IQSEC1: variants seen among roughly 807,000 people sequenced by gnomAD.
IQSEC1 encodes the protein IQ motif and SEC7 domain-containing protein 1.
In IQSEC1, 31 loss-of-function variants were observed where a neutral mutation model predicts 91.0. The ratio of observed to expected loss-of-function variants is 0.34; its 90% confidence interval spans 0.26 to 0.46. The LOEUF is 0.46. IQSEC1 is among the 20% of genes least tolerant of loss of function. The pLI, the probability that IQSEC1 is intolerant of heterozygous loss-of-function variation, is 1.00. For missense variants in IQSEC1, 1,388 were observed against 1,575.6 expected (o/e 0.88, Z 2.02); for synonymous variants, 699 against 662.6 (o/e 1.05, Z -0.84).
chr3:13,199,107 C>CG (rs1195957310), intron 1 of IQSEC1, among the ~76,000 whole-genome samples: 1 of 151,996 alleles, frequency 6.6e-6, no homozygotes, highest in Non-Finnish European at 1.5e-5. Context: ...TGCGAGGGGA[C>CG]GGGGGAGCTG....
chr3:12,905,111 C>G (rs777193031), intron 12 of IQSEC1, among the ~76,000 whole-genome samples: 5 of 152,234 alleles, frequency 3.3e-5, no homozygotes, highest in Non-Finnish European at 7.3e-5. Flanking sequence ...ATATCCCATG[C>G]GTACGCAGCC....
chr3:13,088,509 G>A (rs1051278977), intron 2 of IQSEC1, among the ~76,000 whole-genome samples: 3 of 151,492 alleles, frequency 2.0e-5, no homozygotes, highest in African/African-American at 7.3e-5. Flanking sequence ...CCTGGTTCCT[G>A]TCGCCCTCCC....
chr3:13,023,713 T>G (rs1321345175), intron 1 of IQSEC1, among the ~76,000 whole-genome samples: 1 of 152,214 alleles, frequency 6.6e-6, no homozygotes, highest in Non-Finnish European at 1.5e-5. Context: ...TGCAGGCTTC[T>G]CCATCCCCTG....
chr3:13,127,137 G>C (rs970469185), intron 2 of IQSEC1, among the ~76,000 whole-genome samples: 1 of 152,124 alleles, frequency 6.6e-6, no homozygotes, highest in African/African-American at 2.4e-5. Flanking sequence ...TCTCGGCTGG[G>C]GGCGGTGGCT....
chr3:12,923,972 C>T (rs1244711717), intron 4 of IQSEC1, among the ~76,000 whole-genome samples: 3 of 152,234 alleles, frequency 2.0e-5, no homozygotes, highest in Non-Finnish European at 4.4e-5. Context: ...GCTCTCTGAA[C>T]TGAGAAGAGC....
chr3:13,266,007 C>T (rs1695483582), intron 1 of IQSEC1, among the ~76,000 whole-genome samples: 1 of 151,918 alleles, frequency 6.6e-6, no homozygotes, highest in African/African-American at 2.4e-5. Context: ...TCCCTTTCAC[C>T]TCCGAGACTC....
At chr3:13,265,244 G>A (rs1375951679) in intron 1 of IQSEC1, among the ~76,000 whole-genome samples, 2 of 152,318 alleles carry the variant, frequency 1.3e-5, no homozygotes, top group South Asian at 2.1e-4. Flanking sequence ...TGCCCTAACT[G>A]TGACAAGACA....
rs1258129026 is a variant in IQSEC1 at position 12,907,434 on chromosome 3, C to A, written c.2755+915G>T. On this transcript the variant is annotated intron_variant, in intron 12 of 13. Transcript: ENST00000613206. ...GCTCCTGGGGCAGACCTGCGTGGGA[C>A]AAGCTGGGCCACTGCAGCCCCAGGC... Among the ~76,000 whole-genome samples the A allele has an allele frequency of 2.6e-5, 4 of 152,204 alleles. 1 individual carries two copies. The South Asian group carries it at 8.3e-4, about 31-fold the overall frequency.
intron 1 of IQSEC1, among the ~76,000 whole-genome samples, chr3:13,198,111 G>A (rs995065608): frequency 3.9e-5 from 6 of 152,170 alleles, no homozygotes; most frequent in Admixed American, 2.0e-4. Context: ...AAGAGGTGCT[G>A]AGCTCAGGCC....
intron 1 of IQSEC1, among the ~76,000 whole-genome samples, chr3:12,969,014 T>G (rs1434555508): frequency 6.6e-6 from 1 of 152,066 alleles, no homozygotes; most frequent in Non-Finnish European, 1.5e-5. Context: ...GTGCCCCTTA[T>G]GCCAGTTTAG....
chr3:13,109,804 TA>T (rs1706210761), intron 2 of IQSEC1, among the ~76,000 whole-genome samples: 1 of 141,942 alleles, frequency 7.0e-6, no homozygotes, highest in Admixed American at 7.0e-5. Flanking sequence ...TTTTTTTTTT[TA>T]AATAAATTAC....
chr3:13,217,399 T>C (rs1392207702), intron 1 of IQSEC1, among the ~76,000 whole-genome samples: 1 of 152,210 alleles, frequency 6.6e-6, no homozygotes, highest in Non-Finnish European at 1.5e-5. Context: ...GTTTTTGAGG[T>C]TTATCCATGA....
intron 2 of IQSEC1, among the ~76,000 whole-genome samples, chr3:13,143,912 T>C (rs1289787546): frequency 6.6e-6 from 1 of 152,218 alleles, no homozygotes; most frequent in Non-Finnish European, 1.5e-5. Flanking sequence ...GCTTCGGTTG[T>C]CTGCACCACT....
At chr3:13,022,504 C>A in intron 1 of IQSEC1, 2 of 984,420 alleles carry the variant, frequency 2.0e-6, no homozygotes, top group South Asian at 9.4e-5. Flanking sequence ...GGGCGTCCGC[C>A]GGTGAGGAAA....
rs966293237 is a variant in IQSEC1, at chr3:13,008,146, A to T, written c.23+64846T>A. On this transcript the variant is annotated intron_variant, in intron 1 of 13. Transcript: ENST00000613206. The surrounding 1 kb of genome is among the most constrained non-coding windows in gnomAD (Gnocchi z 4.1). Reference sequence around the variant, plus strand: ...CGGGGTTACTTAGGTACTTCTTGGCAGTTCTGAAGTTCAGGACTGAACCTA... The same window carrying T: ...CGGGGTTACTTAGGTACTTCTTGGCTGTTCTGAAGTTCAGGACTGAACCTA... 6.6e-6 allele frequency among the ~76,000 whole-genome samples: 1 copy of T among 152,156 alleles called. No individual in the cohort carries two copies. Among genetic ancestry groups the T allele is most frequent in the Non-Finnish European group, 1.5e-5 (1 of 68,016 alleles).
rs936937357 is a variant in IQSEC1, at chr3:12,931,157, GTCT to G, written c.1568+4288_1568+4290del. On this transcript the variant is annotated intron_variant, in intron 3 of 13. Transcript: ENST00000613206. ...CCCCTGCAGGGCTTCCCTTGGCACT[GTCT>G]TCTTCTCCAAGACTCAGCACCAGCC... Among the ~76,000 whole-genome samples, 6 of 152,254 alleles carry G rather than the reference GTCT, an allele frequency of 3.9e-5. No homozygotes were observed. The South Asian group carries it at 1.0e-3, about 26-fold the overall frequency.
At chr3:13,199,409 G>C (rs1299610413) in intron 1 of IQSEC1, among the ~76,000 whole-genome samples, 1 of 152,174 alleles carries the variant, frequency 6.6e-6, no homozygotes, top group Admixed American at 6.5e-5. Context: ...TGGGACAGGG[G>C]CCGTCCAGGG....
chr3:13,104,881 T>C (rs1354391436), intron 2 of IQSEC1, among the ~76,000 whole-genome samples: 7 of 152,210 alleles, frequency 4.6e-5, no homozygotes, highest in East Asian at 1.9e-4. Context: ...ATGAAGATCA[T>C]GGCTCTCTTC....
At chr3:12,998,302 G>A (rs1394968840) in intron 1 of IQSEC1, among the ~76,000 whole-genome samples, 1 of 152,142 alleles carries the variant, frequency 6.6e-6, no homozygotes, top group Non-Finnish European at 1.5e-5. Context: ...ACTAAGCTGT[G>A]ATCACTCCAC....
Sources: allele counts gnomAD v4.1 joint callset (sites outside exome capture counted in the v4.1 genomes callset), GRCh38; gene constraint gnomAD v4.1.1; non-coding constraint Gnocchi (gnomAD v3.1); transcripts MANE v1.5; gene names NCBI Gene and HGNC (gene_info 2026-07-23, HGNC 2026-07-21).